REV3L: variants seen among roughly 807,000 people sequenced by gnomAD.
REV3L encodes the protein REV3 like, DNA directed polymerase zeta catalytic subunit, also known as DNA polymerase zeta catalytic subunit.
Under a neutral mutation model 299.4 loss-of-function variants are expected in REV3L, and 69 were observed. That is an observed-to-expected ratio of 0.23 (90% CI 0.19 to 0.28). The LOEUF (loss-of-function observed/expected upper bound fraction) is 0.28, where lower values mean the gene tolerates loss of function less well. Among genes scored for constraint, REV3L ranks in the 10% least tolerant of loss-of-function variants. REV3L has a pLI of 1.00. For missense variants in REV3L, 3,128 were observed against 3,693.8 expected (o/e 0.85, Z 3.97); for synonymous variants, 1,238 against 1,271.4 (o/e 0.97, Z 0.56).
At chr6:111,310,281 G>A (rs763094169) in intron 29 of REV3L, 182 bp from the exon 30 acceptor site, 5 of 606,454 alleles carry the variant, frequency 8.2e-6, no homozygotes, top group African/African-American at 3.8e-5. Flanking sequence ...GACACCAAGT[G>A]TAGATATCCT....
intron 1 of REV3L, among the ~76,000 whole-genome samples, chr6:111,461,906 A>G (rs555956799): frequency 2.6e-5 from 4 of 152,258 alleles, no homozygotes; most frequent in East Asian, 3.9e-4. Flanking sequence ...TAATCCAACC[A>G]TATTACCAAT....
At chr6:111,454,956 G>A (rs747777863) in intron 1 of REV3L, among the ~76,000 whole-genome samples, 7 of 152,114 alleles carry the variant, frequency 4.6e-5, no homozygotes, top group East Asian at 1.9e-4. Context: ...ATGAGCCACC[G>A]CGCCCGGCTG....
rs1562288066 is a variant in REV3L at position 111,422,673 on chromosome 6, TATATAC to T, written c.140-6207_140-6202del. Reference sequence around the variant, plus strand: ...ACATATATATATATACATATATATATATATACGTATATATATATATATATATATTTC... The same window carrying T: ...ACATATATATATATACATATATATATGTATATATATATATATATATATTTC... On this transcript the variant is annotated intron_variant, in intron 1 of 31. Coordinates refer to ENST00000368802, the MANE Select transcript of REV3L (RefSeq NM_001372078.1). Among the ~76,000 whole-genome samples, 26 of 43,258 alleles carry T rather than the reference TATATAC, an allele frequency of 6.0e-4. 5 individuals are homozygous for T. Among genetic ancestry groups the T allele is most frequent in the Non-Finnish European group, 1.5e-3 (20 of 13,744 alleles). The allele number at this position is 43,258 out of a possible 152,430, so 28.4% of individuals were successfully genotyped here.
At position 111,313,642 on chromosome 6, in the gene REV3L, G is replaced by A. The variant is rs910481524; in HGVS notation, c.8467-153C>T. On this transcript the variant is annotated intron_variant, in intron 27 of 31. Coordinates refer to ENST00000368802, the MANE Select transcript of REV3L (RefSeq NM_001372078.1). ...GCCCAACAAATTCATGATATAACAC[G>A]TGGGAGCAAAATGAATTGTCTTTAA... The A allele has an allele frequency of 1.7e-5, 11 of 646,064 alleles. No individual in the cohort carries two copies. The East Asian group carries it at 1.8e-4, about 11-fold the overall frequency. 40.0% of individuals were successfully genotyped at this position (646,064 alleles called of 1,614,324 possible).
intron 1 of REV3L, among the ~76,000 whole-genome samples, chr6:111,425,309 A>T (rs891231526): frequency 5.3e-5 from 8 of 152,100 alleles, no homozygotes; most frequent in Non-Finnish European, 1.0e-4. Context: ...ACAAAAAAAA[A>T]TTAGCCGGGT....
At chr6:111,365,677 TAGAG>T (rs1582700839) in intron 14 of REV3L, among the ~76,000 whole-genome samples, 2 of 152,114 alleles carry the variant, frequency 1.3e-5, no homozygotes, top group East Asian at 3.8e-4. Flanking sequence ...TTGTGGGGTC[TAGAG>T]AGAGAATCAG....
intron 4 of REV3L, among the ~76,000 whole-genome samples, chr6:111,393,490 T>A (rs550230144): frequency 1.3e-5 from 2 of 152,154 alleles, no homozygotes; most frequent in Non-Finnish European, 2.9e-5. Flanking sequence ...TTATTCACCA[T>A]TTGTGTCGAG....
At chr6:111,479,666 C>A (rs796477069) in intron 1 of REV3L, among the ~76,000 whole-genome samples, 2 of 152,050 alleles carry the variant, frequency 1.3e-5, no homozygotes, top group African/African-American at 2.4e-5. Context: ...CACACCACCA[C>A]GCCCAGCCAA....
chr6:111,388,955 G>A, intron 7 of REV3L, 151 bp downstream of exon 7: 1 of 586,390 alleles, frequency 1.7e-6, no homozygotes, highest in African/African-American at 1.9e-5. Context: ...ATAAATAGTG[G>A]CTGTACAGCA....
intron 1 of REV3L, among the ~76,000 whole-genome samples, chr6:111,447,556 CG>C (rs1789002364): frequency 3.9e-5 from 6 of 152,080 alleles, no homozygotes; most frequent in Non-Finnish European, 8.8e-5. Flanking sequence ...ATTCACTTTA[CG>C]TCAGGGGTTG....
At chr6:111,412,405 C>A (rs770611929) in intron 2 of REV3L, 2 of 233,022 alleles carry the variant, frequency 8.6e-6, no homozygotes, top group African/African-American at 2.3e-5. Flanking sequence ...TCTGAAACTA[C>A]ACTACAACCT....
At chr6:111,308,588 G>A (rs939500374) in intron 30 of REV3L, among the ~76,000 whole-genome samples, 17 of 152,078 alleles carry the variant, frequency 1.1e-4, no homozygotes, top group Non-Finnish European at 2.2e-4. Flanking sequence ...CATAAGTTGG[G>A]GAACAACTAT....
At chr6:111,440,512 A>G (rs1268392537) in intron 1 of REV3L, among the ~76,000 whole-genome samples, 1 of 151,584 alleles carries the variant, frequency 6.6e-6, no homozygotes, top group Non-Finnish European at 1.5e-5. Flanking sequence ...CCAAAACTGC[A>G]ATTACTTATA....
At chr6:111,429,167 G>A (rs1786550053) in intron 1 of REV3L, among the ~76,000 whole-genome samples, 2 of 152,102 alleles carry the variant, frequency 1.3e-5, no homozygotes, top group South Asian at 4.1e-4. Flanking sequence ...TTTTTGGTTT[G>A]TCTTTTTATT....
intron 28 of REV3L, chr6:111,311,466 T>C: frequency 2.6e-6 from 1 of 391,612 alleles, no homozygotes; most frequent in Non-Finnish European, 4.5e-6. Context: ...AAATAGAATA[T>C]CATGTAGTTT....
At chr6:111,453,377 C>T (rs1470324694) in intron 1 of REV3L, among the ~76,000 whole-genome samples, 1 of 152,188 alleles carries the variant, frequency 6.6e-6, no homozygotes, top group African/African-American at 2.4e-5. Flanking sequence ...AGCACATATA[C>T]TTTCCTTATA....
intron 31 of REV3L, among the ~76,000 whole-genome samples, chr6:111,306,419 G>A (rs1011558788): frequency 1.3e-5 from 2 of 152,146 alleles, no homozygotes; most frequent in South Asian, 2.1e-4. Context: ...AGCAGGTAGG[G>A]ACAGAACGGA....
intron 1 of REV3L, among the ~76,000 whole-genome samples, chr6:111,440,371 A>G (rs916678031): frequency 3.3e-5 from 5 of 152,232 alleles, no homozygotes; most frequent in African/African-American, 1.2e-4. Flanking sequence ...GCCGAGTCCC[A>G]AAGCAAAGAT....
intron 1 of REV3L, among the ~76,000 whole-genome samples, chr6:111,436,523 G>A (rs1048244472): frequency 5.9e-5 from 9 of 152,124 alleles, no homozygotes; most frequent in Non-Finnish European, 1.2e-4. Flanking sequence ...AGTGAAAAAA[G>A]CCAAGTACAG....
Sources: gnomAD v4.1 joint callset for allele counts (sites outside exome capture counted in the v4.1 genomes callset) on GRCh38, gnomAD v4.1.1 for gene constraint, MANE v1.5 for transcripts, NCBI Gene and HGNC (gene_info 2026-07-23, HGNC 2026-07-21) for gene names.